Variants in CASK observed in about 807,000 individuals in gnomAD.
CASK encodes the protein peripheral plasma membrane protein CASK.
A neutral mutation model predicts 82.9 loss-of-function variants in CASK; 4 were observed. The observed-to-expected ratio is 0.05, with a 90% CI of 0.02 to 0.11. CASK has a LOEUF of 0.11. Ranked by LOEUF, CASK falls within the 10% of genes least tolerant of loss-of-function variation. The pLI is 1.00. For synonymous variants in CASK, 259 were observed against 253.5 expected (o/e 1.02, Z -0.20); for missense variants, 358 against 720.9 (o/e 0.50, Z 5.76).
intron 16 of CASK, among the ~76,000 whole-genome samples, chrX:41,568,280 T>TTTTA (rs2065353924): frequency 1.8e-5 from 2 of 109,372 alleles, no homozygotes; most frequent in Admixed American, 1.9e-4. Flanking sequence ...AAGAATGATG[T>TTTTA]TGTGGCTTTA....
chrX:41,578,191 G>T (rs576216312), intron 15 of CASK, 149 bp downstream of exon 15: 11 of 442,219 alleles, frequency 2.5e-5, no homozygotes, highest in Non-Finnish European at 3.9e-5. Flanking sequence ...AGAAGGGCAG[G>T]GGGGAACTGA....
chrX:41,570,724 T>G (rs1468478014), intron 15 of CASK, among the ~76,000 whole-genome samples: 1 of 112,250 alleles, frequency 8.9e-6, no homozygotes, highest in East Asian at 2.8e-4. Context: ...TTTTTTTCAC[T>G]CAGCATAATT....
chrX:41,781,235 C>T (rs1355033896), intron 3 of CASK, among the ~76,000 whole-genome samples: 1 of 112,690 alleles, frequency 8.9e-6, no homozygotes, highest in African/African-American at 3.2e-5. Flanking sequence ...CTGAGCCCAG[C>T]CATCAACTAG....
chrX:41,723,940 GAACTT>G (rs2068209834), intron 5 of CASK, among the ~76,000 whole-genome samples: 1 of 111,810 alleles, frequency 8.9e-6, no homozygotes. Context: ...TTAAACCTGT[GAACTT>G]AACTTCAGTC....
rs760833152 is a variant in CASK at position 41,669,792 on chromosome X, G to A, written c.532+1636C>T. Among the ~76,000 whole-genome samples the A allele has an allele frequency of 2.7e-5, 3 of 111,839 alleles. No homozygotes were observed. The East Asian group carries it at 8.4e-4, about 31-fold the overall frequency. ...GCCCAATGCTACTGTGCACTGGATCGGCTGTACTGTACTACCTGTAGTTAG... is the reference window on the plus strand; with the variant it reads ...GCCCAATGCTACTGTGCACTGGATCAGCTGTACTGTACTACCTGTAGTTAG... On this transcript the variant is annotated intron_variant, in intron 6 of 26. Transcript: ENST00000378163.
At chrX:41,853,988 C>A (rs1439652636) in intron 1 of CASK, among the ~76,000 whole-genome samples, 1 of 111,747 alleles carries the variant, frequency 8.9e-6, no homozygotes, top group Non-Finnish European at 1.9e-5. Context: ...GAAAGGCCTG[C>A]GTGGTTTGGT....
At chrX:41,831,539 T>G (rs916198949) in intron 2 of CASK, among the ~76,000 whole-genome samples, 1 of 112,543 alleles carries the variant, frequency 8.9e-6, no homozygotes, top group African/African-American at 3.2e-5. Context: ...GAGTCTTTAC[T>G]ACAAACAAGC....
chrX:41,531,985 A>G (rs1207579504), intron 24 of CASK, among the ~76,000 whole-genome samples: 4 of 111,693 alleles, frequency 3.6e-5, no homozygotes, highest in Non-Finnish European at 7.5e-5. Context: ...CCCAGGCTGG[A>G]GTGCAGTGGT....
intron 1 of CASK, among the ~76,000 whole-genome samples, chrX:41,873,592 A>G (rs766417504): frequency 9.0e-6 from 1 of 111,089 alleles, no homozygotes; most frequent in South Asian, 3.8e-4. Context: ...TAACACCTAA[A>G]GCACTAAATA....
At chrX:41,625,510 C>T (rs1299307356) in intron 10 of CASK, among the ~76,000 whole-genome samples, 2 of 109,967 alleles carry the variant, frequency 1.8e-5, no homozygotes, top group African/African-American at 6.6e-5. Context: ...TTTTAAGAGG[C>T]GAGGTCTCAT....
chrX:41,739,017 G>A (rs913711168), intron 5 of CASK, among the ~76,000 whole-genome samples: 1 of 112,020 alleles, frequency 8.9e-6, no homozygotes, highest in African/African-American at 3.2e-5. Context: ...ATGAAAATAT[G>A]TTATGATTAA....
intron 2 of CASK, among the ~76,000 whole-genome samples, chrX:41,789,914 C>G (rs2147838842): frequency 9.0e-6 from 1 of 111,233 alleles, no homozygotes; most frequent in African/African-American, 3.3e-5. Context: ...TATTTTGCCT[C>G]TTTCATGTAA....
chrX:41,693,921 TAATCA>T (rs770888440), intron 5 of CASK, among the ~76,000 whole-genome samples: 1 of 112,237 alleles, frequency 8.9e-6, no homozygotes, highest in Admixed American at 9.5e-5. Context: ...GCTTTGTTTT[TAATCA>T]AATTATGTGT....
chrX:41,901,125 A>G (rs2072372097), intron 1 of CASK, among the ~76,000 whole-genome samples: 1 of 111,345 alleles, frequency 9.0e-6, no homozygotes, highest in African/African-American at 3.3e-5. Context: ...TCCTCTGGTG[A>G]TGTCATGTTT....
At chrX:41,731,776 C>T (rs939406488) in intron 5 of CASK, among the ~76,000 whole-genome samples, 1 of 109,989 alleles carries the variant, frequency 9.1e-6, no homozygotes, top group African/African-American at 3.3e-5. Context: ...AATATCACTT[C>T]TGTTTTTGGA....
chrX:41,688,377 A>G (rs2067481356), intron 5 of CASK, among the ~76,000 whole-genome samples: 1 of 112,244 alleles, frequency 8.9e-6, no homozygotes, highest in Non-Finnish European at 1.9e-5. Context: ...CAGCAGTTAC[A>G]TAGATGGACA....
At chrX:41,894,886 G>C (rs766414929) in intron 1 of CASK, among the ~76,000 whole-genome samples, 1 of 112,443 alleles carries the variant, frequency 8.9e-6, no homozygotes, top group East Asian at 2.8e-4. Context: ...CTGACTTTAA[G>C]TGGAATTTCT....
intron 12 of CASK, among the ~76,000 whole-genome samples, chrX:41,597,582 TTTCTGTGAA>T (rs980985147): frequency 8.9e-6 from 1 of 112,485 alleles, no homozygotes; most frequent in Non-Finnish European, 1.9e-5. Context: ...CTTTCTTCAG[TTTCTGTGAA>T]TTACGTGGGT....
At chrX:41,846,779 C>T (rs2071164632) in intron 2 of CASK, among the ~76,000 whole-genome samples, 1 of 111,691 alleles carries the variant, frequency 9.0e-6, no homozygotes, top group Admixed American at 9.5e-5. Context: ...GCATAAATAA[C>T]TACGTTTAGT....
Sources: allele counts gnomAD v4.1 joint callset (sites outside exome capture counted in the v4.1 genomes callset), GRCh38; gene constraint gnomAD v4.1.1; transcripts MANE v1.5; gene names NCBI Gene and HGNC (gene_info 2026-07-23, HGNC 2026-07-21).